SUGCT: variants seen among roughly 807,000 people sequenced by gnomAD.
SUGCT encodes the protein succinyl-CoA:glutarate CoA-transferase.
In SUGCT, 41 loss-of-function variants were observed where a neutral mutation model predicts 55.0. That is an observed-to-expected ratio of 0.74 (90% CI 0.58 to 0.97). The LOEUF is 0.97. SUGCT is among the 50% of genes least tolerant of loss of function. The pLI is 0.00. For missense variants in SUGCT, 568 were observed against 547.8 expected (o/e 1.04, Z -0.37); for synonymous variants, 187 against 200.4 (o/e 0.93, Z 0.56).
the SUGCT span, among the ~76,000 whole-genome samples, chr7:40,954,441 T>A: frequency 2.3e-4 from 35 of 152,152 alleles, no homozygotes; most frequent in African/African-American, 8.2e-4. Flanking sequence ...TCATGCTCAG[T>A]GTGCTGCACC....
chr7:40,706,772 C>T (rs1428727335), intron 12 of SUGCT, among the ~76,000 whole-genome samples: 2 of 152,178 alleles, frequency 1.3e-5, no homozygotes, highest in Non-Finnish European at 2.9e-5. Context: ...GAGTCTGGAT[C>T]TAGAAGAAAC....
intron 6 of SUGCT, among the ~76,000 whole-genome samples, chr7:40,225,712 A>T (rs1002599021): frequency 6.6e-6 from 1 of 152,130 alleles, no homozygotes. Context: ...CTGGGATTAC[A>T]GGTGTGAGCC....
chr7:40,470,160 G>C (rs1236030794), intron 11 of SUGCT, among the ~76,000 whole-genome samples: 2 of 152,126 alleles, frequency 1.3e-5, no homozygotes, highest in East Asian at 3.9e-4. Context: ...TTTGGAAATG[G>C]ATGGAGAATC....
intron 6 of SUGCT, among the ~76,000 whole-genome samples, chr7:40,225,340 T>A (rs1430372275): frequency 6.6e-6 from 1 of 152,172 alleles, no homozygotes; most frequent in Non-Finnish European, 1.5e-5. Flanking sequence ...CCAGTTTTGC[T>A]GCCTTTCTGT....
chr7:40,298,438 A>G (rs780589543), intron 8 of SUGCT, among the ~76,000 whole-genome samples: 1 of 152,134 alleles, frequency 6.6e-6, no homozygotes, highest in African/African-American at 2.4e-5. Context: ...TCTTTCCTCA[A>G]TTTTGTCATC....
intron 12 of SUGCT, among the ~76,000 whole-genome samples, chr7:40,622,535 T>G (rs571412136): frequency 5.9e-4 from 88 of 149,432 alleles, no homozygotes; most frequent in African/African-American, 2.0e-3. Flanking sequence ...GTTGTTTTTT[T>G]TTTTTTTTTT....
chr7:40,460,042 A>G (rs1040434993), intron 11 of SUGCT, among the ~76,000 whole-genome samples: 1 of 152,118 alleles, frequency 6.6e-6, no homozygotes, highest in Non-Finnish European at 1.5e-5. Flanking sequence ...TTGTTTAAAT[A>G]CCATATTTAG....
intron 12 of SUGCT, among the ~76,000 whole-genome samples, chr7:40,747,968 C>T (rs1253487249): frequency 6.6e-6 from 1 of 152,088 alleles, no homozygotes; most frequent in Non-Finnish European, 1.5e-5. Context: ...TTCCAGCCTT[C>T]GTTTGCCAGG....
chr7:40,897,460 CACAT>C, the SUGCT span, among the ~76,000 whole-genome samples: 5 of 137,944 alleles, frequency 3.6e-5, no homozygotes, highest in Admixed American at 7.5e-5. Flanking sequence ...CACACACACA[CACAT>C]TTGGTATATT....
chr7:40,951,410 C>T, the SUGCT span, among the ~76,000 whole-genome samples: 1 of 152,080 alleles, frequency 6.6e-6, no homozygotes, highest in Admixed American at 6.5e-5. Flanking sequence ...AAACCAGCTC[C>T]CAGATTCATT....
At chr7:40,341,484 G>A in intron 9 of SUGCT, among the ~76,000 whole-genome samples, 1 of 152,124 alleles carries the variant, frequency 6.6e-6, no homozygotes, top group East Asian at 1.9e-4. Flanking sequence ...GTCCCTCTTG[G>A]GATTTCTGCT....
At chr7:40,223,839 T>G (rs1399113851) in intron 6 of SUGCT, among the ~76,000 whole-genome samples, 3 of 152,208 alleles carry the variant, frequency 2.0e-5, no homozygotes, top group Non-Finnish European at 4.4e-5. Context: ...GGCTAAAAGG[T>G]GATTCTTGTT....
chr7:40,636,082 A>C lies in SUGCT; in HGVS notation c.1090-113352A>C, dbSNP rs975535974. The stretch of plus-strand genomic sequence containing the variant: ...TGGTATTCCAAATCTCTATTGCTGC[A>C]TAACAAACTACCCCTACATTTTGGA... On this transcript the variant is annotated intron_variant, in intron 12 of 13. Coordinates refer to ENST00000335693, the MANE Select transcript of SUGCT (RefSeq NM_001193313.2). Among the ~76,000 whole-genome samples the C allele has an allele frequency of 3.2e-4, 49 of 152,236 alleles. 1 individual carries two copies. The highest frequency in any genetic ancestry group is 1.2e-3 in the African/African-American group (49 of 41,460).
chr7:40,532,722 A>C (rs1794165891), intron 12 of SUGCT, among the ~76,000 whole-genome samples: 1 of 152,108 alleles, frequency 6.6e-6, no homozygotes, highest in African/African-American at 2.4e-5. Flanking sequence ...TTTTAATATT[A>C]AGAGGGGATG....
At chr7:40,899,687 CCCA>C in the SUGCT span, among the ~76,000 whole-genome samples, 2 of 152,108 alleles carry the variant, frequency 1.3e-5, no homozygotes, top group East Asian at 1.9e-4. Flanking sequence ...CCATATCACC[CCCA>C]CAACACAGTT....
At chr7:40,746,553 G>C (rs1787743096) in intron 12 of SUGCT, among the ~76,000 whole-genome samples, 1 of 152,154 alleles carries the variant, frequency 6.6e-6, no homozygotes, top group Non-Finnish European at 1.5e-5. Flanking sequence ...TTATATTTTT[G>C]CTTAAAACGG....
At position 40,684,207 on chromosome 7, in the gene SUGCT, T is replaced by A. The variant is rs567761520; in HGVS notation, c.1090-65227T>A. On this transcript the variant is annotated intron_variant, in intron 12 of 13. Coordinates refer to ENST00000335693, the MANE Select transcript of SUGCT (RefSeq NM_001193313.2). ...AGGATAATCCAGGATAATTTCTCCA[T>A]ATCAAGGTTTGTGACCTTAATTACA... The A allele has an allele frequency of 1.1e-5, 16 of 1,497,570 alleles. 1 individual carries two copies. The South Asian group carries it at 2.3e-4, about 22-fold the overall frequency. 92.8% of individuals were successfully genotyped at this position (1,497,570 alleles called of 1,614,324 possible).
rs747138567 is a variant in SUGCT, at chr7:40,274,528, C to T, written c.592C>T (p.Arg198Cys). ...TTCAAATCAGAATGGAGATCCAGTT[C>T]GCCCAGGAGTAGCTATGACTGATCT... ...ITGPENGDPV[R>C]PGVAMTDLAT... Residue 198 changes from arginine (R) to cysteine (C), a missense_variant, in exon 8 of 14, where the codon CGC becomes TGC. Transcript: ENST00000335693. 22 of 1,612,606 alleles carry T rather than the reference C, an allele frequency of 1.4e-5. No individual in the cohort carries two copies. Among genetic ancestry groups the T allele is most frequent in the African/African-American group, 8.0e-5 (6 of 74,896 alleles).
chr7:40,392,904 T>C lies in SUGCT; in HGVS notation c.817-56383T>C, dbSNP rs569907313. ...AGGAGTTAAACAAAAAGTGCCAGGC[T>C]TAAGCCTGTAAAACTGGGTGGATTG... On this transcript the variant is annotated intron_variant, in intron 9 of 13. Transcript: ENST00000335693. Among the ~76,000 whole-genome samples the C allele has an allele frequency of 7.9e-5, 12 of 152,292 alleles. No homozygotes were observed. The East Asian group carries it at 2.3e-3, about 29-fold the overall frequency.
Sources: allele counts gnomAD v4.1 joint callset (sites outside exome capture counted in the v4.1 genomes callset), GRCh38; gene constraint gnomAD v4.1.1; transcripts MANE v1.5; gene names NCBI Gene and HGNC (gene_info 2026-07-23, HGNC 2026-07-21).